ABTB3: variants seen among roughly 807,000 people sequenced by gnomAD.
ABTB3 encodes ankyrin repeat- and BTB/POZ domain-containing protein 3.
chr12:107,401,554 G>C, the ABTB3 span, among the ~76,000 whole-genome samples: 1 of 152,204 alleles, frequency 6.6e-6, no homozygotes. Context: ...GCACAGTAGT[G>C]AGTGCTCCCA....
the ABTB3 span, among the ~76,000 whole-genome samples, chr12:107,614,474 C>T: frequency 2.7e-3 from 406 of 152,230 alleles, 9 homozygotes; most frequent in East Asian, 0.044. Flanking sequence ...TGAAAGCAGA[C>T]AGTCCCTTGC....
At chr12:107,599,747 G>A in the ABTB3 span, among the ~76,000 whole-genome samples, 48,140 of 151,872 alleles carry the variant, frequency 0.32, 8,767 homozygotes, top group African/African-American at 0.51. Context: ...GTGCCTGGCC[G>A]ATACTGGAGC....
the ABTB3 span, among the ~76,000 whole-genome samples, chr12:107,607,465 T>C: frequency 6.6e-6 from 1 of 152,208 alleles, no homozygotes; most frequent in Non-Finnish European, 1.5e-5. Context: ...TGGGGTGTTC[T>C]TGACTTTCCC....
the ABTB3 span, among the ~76,000 whole-genome samples, chr12:107,544,475 T>A: frequency 6.6e-5 from 10 of 152,272 alleles, no homozygotes; most frequent in African/African-American, 2.2e-4. Flanking sequence ...GTGGGAGTTA[T>A]CTTCATCTTC....
the ABTB3 span, among the ~76,000 whole-genome samples, chr12:107,626,343 C>CTTTTTTTTTTTTTTTTTTTT: frequency 5.3e-5 from 6 of 112,512 alleles, no homozygotes; most frequent in East Asian, 2.7e-4. Context: ...CTATCGTCAT[C>CTTTTTTTTTTTTTTTTTTTT]TTTTTTTTTT....
At chr12:107,445,901 C>CTCTCCCCTCTCCCG in the ABTB3 span, among the ~76,000 whole-genome samples, 5 of 137,166 alleles carry the variant, frequency 3.6e-5, no homozygotes, top group Admixed American at 3.1e-4. Context: ...CCCCTCTCCC[C>CTCTCCCCTCTCCCG]TCTCCCTGTC....
chr12:107,535,892 G>A, the ABTB3 span, among the ~76,000 whole-genome samples: 16 of 151,658 alleles, frequency 1.1e-4, no homozygotes, highest in African/African-American at 3.4e-4. Context: ...CAAAGAAATC[G>A]AAAAAAACAC....
At chr12:107,395,261 G>A in the ABTB3 span, among the ~76,000 whole-genome samples, 4 of 152,108 alleles carry the variant, frequency 2.6e-5, no homozygotes, top group African/African-American at 9.7e-5. Context: ...TTGTCAAAGG[G>A]TCTAGGCTAG....
the ABTB3 span, chr12:107,635,522 G>T: frequency 1.6e-6 from 1 of 642,544 alleles, no homozygotes; most frequent in Non-Finnish European, 2.6e-6. Context: ...AGTCAGGCCG[G>T]GGGAGATCAG....
the ABTB3 span, among the ~76,000 whole-genome samples, chr12:107,632,326 G>T: frequency 4.6e-5 from 7 of 152,320 alleles, no homozygotes; most frequent in African/African-American, 1.7e-4. Context: ...TGCTTCACTC[G>T]GAGTTGATTA....
chr12:107,582,379 A>G, the ABTB3 span, among the ~76,000 whole-genome samples: 6 of 152,194 alleles, frequency 3.9e-5, no homozygotes, highest in East Asian at 5.8e-4. Context: ...GCTCAAAGTC[A>G]CTGGAGTAGT....
chr12:107,528,308 T>A, the ABTB3 span, among the ~76,000 whole-genome samples: 1 of 152,186 alleles, frequency 6.6e-6, no homozygotes, highest in Non-Finnish European at 1.5e-5. Flanking sequence ...TTTTTATGAG[T>A]ACTAGGACAA....
chr12:107,581,856 A>G, the ABTB3 span, among the ~76,000 whole-genome samples: 1 of 152,194 alleles, frequency 6.6e-6, no homozygotes, highest in East Asian at 1.9e-4. Context: ...GAACTCACTC[A>G]GGTGAGTCAT....
chr12:107,560,329 G>T, the ABTB3 span, among the ~76,000 whole-genome samples: 7 of 152,296 alleles, frequency 4.6e-5, no homozygotes, highest in Admixed American at 2.6e-4. Flanking sequence ...CAACTGAGGG[G>T]TTAATTCACA....
chr12:107,449,788 A>G, the ABTB3 span, among the ~76,000 whole-genome samples: 1 of 152,082 alleles, frequency 6.6e-6, no homozygotes, highest in Non-Finnish European at 1.5e-5. Flanking sequence ...CTTGGACCAC[A>G]GGCCTACACC....
the ABTB3 span, among the ~76,000 whole-genome samples, chr12:107,494,639 ATTC>A: frequency 6.6e-6 from 1 of 152,080 alleles, no homozygotes; most frequent in African/African-American, 2.4e-5. Flanking sequence ...TCTCTTTAAT[ATTC>A]TTCTTCAGGG....
At chr12:107,441,650 T>G in the ABTB3 span, among the ~76,000 whole-genome samples, 2 of 151,662 alleles carry the variant, frequency 1.3e-5, no homozygotes, top group Non-Finnish European at 2.9e-5. Flanking sequence ...AAAAGTTACC[T>G]GGGGGGTCCA....
At chr12:107,652,210 G>T in the ABTB3 span, among the ~76,000 whole-genome samples, 1 of 152,220 alleles carries the variant, frequency 6.6e-6, no homozygotes, top group Non-Finnish European at 1.5e-5. Flanking sequence ...TTGTCGGAAA[G>T]GTACATTTTC....
the ABTB3 span, among the ~76,000 whole-genome samples, chr12:107,375,563 C>T: frequency 2.0e-5 from 3 of 152,152 alleles, no homozygotes; most frequent in South Asian, 2.1e-4. Flanking sequence ...GGGAGAAGAC[C>T]GGGGGCCCGG....
Sources: allele counts gnomAD v4.1 joint callset (sites outside exome capture counted in the v4.1 genomes callset), GRCh38; gene constraint gnomAD v4.1.1; transcripts MANE v1.5; gene names NCBI Gene and HGNC (gene_info 2026-07-23, HGNC 2026-07-21).